XYLT1: variants seen among roughly 807,000 people sequenced by gnomAD.
XYLT1 encodes the protein xylosyltransferase 1, also known as beta-D-xylosyltransferase 1.
A neutral mutation model predicts 91.3 loss-of-function variants in XYLT1; 36 were observed. The ratio of observed to expected loss-of-function variants is 0.39; its 90% CI spans 0.30 to 0.52. The LOEUF is 0.52. Among genes scored for constraint, XYLT1 ranks in the 20% least tolerant of loss-of-function variants. XYLT1 has a pLI of 0.68. For synonymous variants in XYLT1, 588 were observed against 532.0 expected, an observed-to-expected ratio of 1.11 and a Z score of -1.45; for missense variants, 1,242 against 1,284.5, an observed-to-expected ratio of 0.97 and a Z score of 0.51.
chr16:17,127,611 T>A (rs1567284191), intron 10 of XYLT1, 55 bp downstream of exon 10: 1 of 1,563,080 alleles, frequency 6.4e-7, no homozygotes, highest in Non-Finnish European at 8.7e-7. Flanking sequence ...TGGAGTAGAA[T>A]CTGGCCGAGG....
chr16:17,146,797 C>A (rs1383114097), intron 6 of XYLT1, among the ~76,000 whole-genome samples: 2 of 152,270 alleles, frequency 1.3e-5, no homozygotes, highest in East Asian at 3.9e-4. Flanking sequence ...CATATGGATA[C>A]ACGGGAGCCC....
intron 9 of XYLT1, among the ~76,000 whole-genome samples, chr16:17,132,216 G>T (rs141594107): frequency 6.6e-5 from 10 of 152,234 alleles, no homozygotes; most frequent in East Asian, 3.9e-4. Flanking sequence ...GACTAGCAGT[G>T]GGGGGGAGAG....
intron 5 of XYLT1, chr16:17,197,977 G>A (rs2032463495): frequency 1.7e-6 from 1 of 585,266 alleles, no homozygotes; most frequent in African/African-American, 1.9e-5. Context: ...CGTCTGTTTA[G>A]TGCACTGGCA....
At chr16:17,263,159 C>T (rs1219192060) in intron 2 of XYLT1, among the ~76,000 whole-genome samples, 1 of 152,028 alleles carries the variant, frequency 6.6e-6, no homozygotes, top group African/African-American at 2.4e-5. Context: ...CAGCAAGTTT[C>T]CCCGCCACAC....
intron 5 of XYLT1, among the ~76,000 whole-genome samples, chr16:17,188,972 T>C (rs1038240468): frequency 1.6e-5 from 2 of 121,776 alleles, no homozygotes; most frequent in African/African-American, 8.0e-5. Context: ...GGGCTGGATA[T>C]GTTTTTCCTC....
At chr16:17,246,839 A>G (rs2033443089) in intron 3 of XYLT1, among the ~76,000 whole-genome samples, 1 of 152,186 alleles carries the variant, frequency 6.6e-6, no homozygotes, top group South Asian at 2.1e-4. Context: ...AAGGGTACTC[A>G]GCCCTTGTGG....
At chr16:17,281,291 G>A (rs1178235836) in intron 2 of XYLT1, among the ~76,000 whole-genome samples, 2 of 151,974 alleles carry the variant, frequency 1.3e-5, no homozygotes, top group African/African-American at 4.8e-5. Context: ...GGGAGTGGTG[G>A]AAGGACAGGT....
At position 17,259,286 on chromosome 16, in the gene XYLT1, T is replaced by C. The variant is rs762851973; in HGVS notation, c.615A>G (p.Gly205=). 1 of 1,614,118 alleles carries C rather than the reference T, an allele frequency of 6.2e-7. No homozygotes were observed. Among genetic ancestry groups the C allele is most frequent in the Admixed American group, 1.7e-5 (1 of 60,012 alleles). The change falls in exon 3 of 12, where the codon GGA becomes GGG. Residue 205 remains glycine, a synonymous_variant. Transcript: ENST00000261381. The part of the protein sequence containing the change: ...RKLEQQEKGK[G]HTFPGKGPGE... The stretch of plus-strand genomic sequence containing the variant: ...CGGGGCCTTTCCCAGGGAATGTATG[T>C]CCTTTTCCTTTCTCCTGCTGTTCCA...
At position 17,205,281 on chromosome 16, in the gene XYLT1, C is replaced by A. The variant is rs116876610; in HGVS notation, c.914-4627G>T. Among the ~76,000 whole-genome samples the A allele has an allele frequency of 6.0e-4, 91 of 152,274 alleles. No homozygotes were observed. In the East Asian group the frequency reaches 0.017, roughly 29 times the overall value. On this transcript the variant is annotated intron_variant, in intron 3 of 11. Transcript: ENST00000261381. The stretch of plus-strand genomic sequence containing the variant: ...ACGAGGACTATGTAATCCTTGGGCT[C>A]CAAAGACATAGCAGAGATGAAGGTG...
At position 17,246,158 on chromosome 16, in the gene XYLT1, T is replaced by C. The variant is rs114339602; in HGVS notation, c.913+12830A>G. The stretch of plus-strand genomic sequence containing the variant: ...CTGGCTCTGCTACTGGTGAAATGTG[T>C]AATTCTGGGTAAGTTTTCTGTGTCT... On this transcript the variant is annotated intron_variant, in intron 3 of 11. Coordinates refer to ENST00000261381, the MANE Select transcript of XYLT1 (RefSeq NM_022166.4). 1.5e-3 allele frequency among the ~76,000 whole-genome samples: 230 copies of C among 152,316 alleles called. 1 individual carries two copies. Among genetic ancestry groups the C allele is most frequent in the African/African-American group, 5.1e-3 (211 of 41,580 alleles).
intron 1 of XYLT1, among the ~76,000 whole-genome samples, chr16:17,363,779 A>G (rs1434846092): frequency 6.6e-6 from 1 of 151,986 alleles, no homozygotes; most frequent in Non-Finnish European, 1.5e-5. Context: ...CCTGACCTCA[A>G]GTGATCCACC....
At chr16:17,139,108 G>GAGAA (rs1597147011) in intron 7 of XYLT1, among the ~76,000 whole-genome samples, 1 of 152,186 alleles carries the variant, frequency 6.6e-6, no homozygotes, top group Admixed American at 6.6e-5. Context: ...TAAGGGATCT[G>GAGAA]AGAAAGAGGC....
rs1388143400 is a variant in XYLT1, at chr16:17,105,934, A to C, written c.*2761T>G. ...GATTTTCCTTAAAAAAAAAAACAAA[A>C]CACAAAAACACAACAAATGTAATAT... On this transcript the variant is annotated 3_prime_UTR_variant, in exon 12 of 12. Transcript: ENST00000261381. 6.6e-6 allele frequency: 1 copy of C among 152,130 alleles called. No homozygotes were observed. The highest frequency in any genetic ancestry group is 1.9e-4 in the East Asian group (1 of 5,196). The allele number at this position is 152,130 out of a possible 1,614,324, so 9.4% of individuals were successfully genotyped here.
At chr16:17,302,311 T>A (rs1399024343) in intron 2 of XYLT1, among the ~76,000 whole-genome samples, 3 of 152,162 alleles carry the variant, frequency 2.0e-5, no homozygotes, top group African/African-American at 7.2e-5. Flanking sequence ...CTGCTGAGTA[T>A]CAGCATAAGA....
intron 1 of XYLT1, among the ~76,000 whole-genome samples, chr16:17,362,741 T>A (rs995602756): frequency 2.0e-5 from 3 of 152,244 alleles, no homozygotes; most frequent in African/African-American, 4.8e-5. Context: ...GCCTCAGCCA[T>A]TGGAAAGCAT....
chr16:17,455,244 C>A (rs1021318320), intron 1 of XYLT1, among the ~76,000 whole-genome samples: 1 of 152,210 alleles, frequency 6.6e-6, no homozygotes, highest in African/African-American at 2.4e-5. Context: ...TGGGCGTGAT[C>A]CCTTTCTGGA....
chr16:17,309,830 G>A (rs1189569496), intron 2 of XYLT1, among the ~76,000 whole-genome samples: 1 of 152,178 alleles, frequency 6.6e-6, no homozygotes, highest in African/African-American at 2.4e-5. Flanking sequence ...TGGGCTTAGT[G>A]GTGGAAAAAT....
intron 10 of XYLT1, among the ~76,000 whole-genome samples, chr16:17,119,750 T>G (rs1028861877): frequency 6.6e-6 from 1 of 152,180 alleles, no homozygotes; most frequent in Non-Finnish European, 1.5e-5. Context: ...GATAACTCGC[T>G]ATGGTCAGAG....
At chr16:17,434,660 C>T (rs1455287085) in intron 1 of XYLT1, among the ~76,000 whole-genome samples, 3 of 152,078 alleles carry the variant, frequency 2.0e-5, no homozygotes, top group Admixed American at 6.5e-5. Flanking sequence ...AGTTCGAGAC[C>T]AGCCTGGGTA....
Sources: gnomAD v4.1 joint callset for allele counts (sites outside exome capture counted in the v4.1 genomes callset) on GRCh38, gnomAD v4.1.1 for gene constraint, MANE v1.5 for transcripts, NCBI Gene and HGNC (gene_info 2026-07-23, HGNC 2026-07-21) for gene names.